The following ATP8B4 variants were observed in gnomAD, a reference collection of about 807,000 sequenced individuals.
ATP8B4 encodes the protein ATPase phospholipid transporting 8B4 (putative).
In ATP8B4, 133 loss-of-function variants were observed where a neutral mutation model predicts 145.6. That is an observed-to-expected ratio of 0.91 (90% CI 0.79 to 1.05). The LOEUF (loss-of-function observed/expected upper bound fraction) is 1.05. Ranked by LOEUF, ATP8B4 falls within the 50% of genes least tolerant of loss-of-function variation. ATP8B4 has a pLI of 0.00. For missense variants in ATP8B4, 1,458 were observed against 1,425.2 expected (o/e 1.02, Z -0.37); for synonymous variants, 507 against 492.9 (o/e 1.03, Z -0.38).
intron 14 of ATP8B4, among the ~76,000 whole-genome samples, chr15:49,960,376 C>A (rs979491298): frequency 2.6e-5 from 4 of 152,100 alleles, no homozygotes; most frequent in African/African-American, 7.2e-5. Flanking sequence ...AGAAAGAAAA[C>A]ACATCAAAAA....
chr15:49,909,363 G>A (rs1052839853), intron 20 of ATP8B4, among the ~76,000 whole-genome samples: 1 of 152,188 alleles, frequency 6.6e-6, no homozygotes, highest in Admixed American at 6.5e-5. Context: ...CACAGCCACT[G>A]CCAACACCAG....
intron 9 of ATP8B4, among the ~76,000 whole-genome samples, chr15:49,991,806 G>T (rs1486819930): frequency 2.0e-5 from 3 of 152,144 alleles, no homozygotes; most frequent in African/African-American, 4.8e-5. Context: ...TGAGAACATT[G>T]CTACGTTTTA....
At chr15:49,928,560 G>T (rs1316690584) in intron 16 of ATP8B4, among the ~76,000 whole-genome samples, 2 of 152,000 alleles carry the variant, frequency 1.3e-5, no homozygotes, top group South Asian at 2.1e-4. Context: ...TTTAAGTAGG[G>T]GGTAGTAAAA....
chr15:49,963,126 C>G (rs1471354336), intron 13 of ATP8B4, among the ~76,000 whole-genome samples: 1 of 152,058 alleles, frequency 6.6e-6, no homozygotes, highest in East Asian at 1.9e-4. Flanking sequence ...ACAGACACTT[C>G]TCAAAAGAAG....
At chr15:49,902,241 G>A (rs1401167802) in intron 20 of ATP8B4, 3 of 152,198 alleles carry the variant, frequency 2.0e-5, no homozygotes, top group African/African-American at 4.8e-5. Flanking sequence ...GAGAGTGAGA[G>A]AAGACCAGAA....
chr15:49,979,848 T>C (rs2046001188), intron 11 of ATP8B4, 35 bp from the exon 12 acceptor site: 3 of 1,435,026 alleles, frequency 2.1e-6, no homozygotes, highest in Non-Finnish European at 2.8e-6. Context: ...AAGGTTAACT[T>C]GAACTCAAAA....
At chr15:49,988,858 C>T (rs1192887062) in intron 9 of ATP8B4, among the ~76,000 whole-genome samples, 3 of 152,108 alleles carry the variant, frequency 2.0e-5, no homozygotes, top group Non-Finnish European at 2.9e-5. Flanking sequence ...CACATGGCCA[C>T]GTCACTCCTG....
At chr15:50,067,412 G>T (rs2053456510) in intron 3 of ATP8B4, among the ~76,000 whole-genome samples, 1 of 152,020 alleles carries the variant, frequency 6.6e-6, no homozygotes, top group Admixed American at 6.6e-5. Flanking sequence ...GTAGTCTAAG[G>T]TCTGACTACA....
At chr15:50,179,736 G>C (rs1052804745) in intron 1 of ATP8B4, among the ~76,000 whole-genome samples, 2 of 152,178 alleles carry the variant, frequency 1.3e-5, no homozygotes, top group African/African-American at 4.8e-5. Context: ...AGTACACAGT[G>C]AGAAGGCACC....
intron 2 of ATP8B4, among the ~76,000 whole-genome samples, chr15:50,077,510 A>G (rs1172449908): frequency 6.6e-6 from 1 of 152,180 alleles, no homozygotes; most frequent in Non-Finnish European, 1.5e-5. Flanking sequence ...TGATCTTCCC[A>G]ATGAGCCCAG....
At chr15:50,152,411 T>C (rs1358070236) in intron 1 of ATP8B4, among the ~76,000 whole-genome samples, 4 of 152,144 alleles carry the variant, frequency 2.6e-5, no homozygotes, top group Non-Finnish European at 5.9e-5. Flanking sequence ...AATTTAGAAA[T>C]ATTCATATCA....
chr15:50,151,162 T>C (rs1477810106), intron 1 of ATP8B4, among the ~76,000 whole-genome samples: 1 of 152,212 alleles, frequency 6.6e-6, no homozygotes, highest in Non-Finnish European at 1.5e-5. Flanking sequence ...GAAAGTTGGA[T>C]TGGAAGGCTC....
intron 23 of ATP8B4, among the ~76,000 whole-genome samples, chr15:49,881,995 A>G (rs1009884585): frequency 6.6e-6 from 1 of 152,220 alleles, no homozygotes; most frequent in African/African-American, 2.4e-5. Flanking sequence ...TGTCGAGGAC[A>G]GAACGAAGGC....
At chr15:50,043,869 C>T (rs1370086910) in intron 5 of ATP8B4, among the ~76,000 whole-genome samples, 3 of 149,734 alleles carry the variant, frequency 2.0e-5, no homozygotes, top group African/African-American at 4.9e-5. Context: ...AGGAGAATGG[C>T]GTGAACCCGG....
chr15:49,864,890 T>C (rs2153376099), intron 26 of ATP8B4, among the ~76,000 whole-genome samples: 1 of 152,376 alleles, frequency 6.6e-6, no homozygotes, highest in Admixed American at 6.5e-5. Flanking sequence ...CCTCAGTTTA[T>C]AAGTGAAGAC....
At chr15:49,959,906 C>T (rs1004102321) in intron 14 of ATP8B4, among the ~76,000 whole-genome samples, 7 of 150,302 alleles carry the variant, frequency 4.7e-5, no homozygotes, top group African/African-American at 1.7e-4. Context: ...ATCATTCTAA[C>T]AAAAATATCA....
intron 4 of ATP8B4, among the ~76,000 whole-genome samples, chr15:50,045,529 G>A (rs753362920): frequency 4.6e-5 from 7 of 152,172 alleles, no homozygotes; most frequent in Admixed American, 6.5e-5. Flanking sequence ...GGGTAGAGAC[G>A]GTCAGTGGCT....
chr15:49,987,131 T>C (rs1008371162), intron 10 of ATP8B4, among the ~76,000 whole-genome samples: 1 of 152,196 alleles, frequency 6.6e-6, no homozygotes, highest in African/African-American at 2.4e-5. Flanking sequence ...AGTAGGTATC[T>C]AGCACCCACT....
chr15:49,859,664 A>G lies in ATP8B4; in HGVS notation c.*530T>C, dbSNP rs2031272783. The G allele has an allele frequency of 6.5e-6, 1 of 153,008 alleles. No individual in the cohort carries two copies. The highest frequency in any genetic ancestry group is 1.5e-5 in the Non-Finnish European group (1 of 68,648). 9.5% of individuals were successfully genotyped at this position (153,008 alleles called of 1,614,324 possible). The stretch of plus-strand genomic sequence containing the variant: ...GCCATTTGTTGTCCTGGCTGAACAG[A>G]CAGGTAGATATCAAGACTAAAGAGT... On this transcript the variant is annotated 3_prime_UTR_variant, in exon 28 of 28. Transcript: ENST00000284509.
Sources: allele counts gnomAD v4.1 joint callset (sites outside exome capture counted in the v4.1 genomes callset), GRCh38; gene constraint gnomAD v4.1.1; transcripts MANE v1.5; gene names NCBI Gene and HGNC (gene_info 2026-07-23, HGNC 2026-07-21).